NCALD: variants seen among roughly 807,000 people sequenced by gnomAD.
The protein encoded by NCALD is neurocalcin delta, also known as neurocalcin-delta.
In NCALD, 10 loss-of-function variants were observed where a neutral mutation model predicts 18.6. The observed-to-expected ratio is 0.54, with a 90% confidence interval of 0.33 to 0.91. NCALD has a LOEUF of 0.91. NCALD is among the 40% of genes least tolerant of loss of function. The probability of loss-of-function intolerance (pLI) is 0.03; values close to 1 mark genes in which losing one functional copy is unlikely to be tolerated. For synonymous variants in NCALD, 88 were observed against 87.4 expected, an observed-to-expected ratio of 1.01 and a Z score of -0.04; for missense variants, 184 against 247.6, an observed-to-expected ratio of 0.74 and a Z score of 1.72.
intron 4 of NCALD, among the ~76,000 whole-genome samples, chr8:101,871,459 A>G (rs1257711894): frequency 6.6e-6 from 1 of 152,124 alleles, no homozygotes; most frequent in African/African-American, 2.4e-5. Flanking sequence ...AGCACAATAC[A>G]TGCTAGAACC....
At chr8:101,872,139 A>G in intron 4 of NCALD, 1 of 1,606,476 alleles carries the variant, frequency 6.2e-7, no homozygotes, top group African/African-American at 1.3e-5. Context: ...ACTTCCTGGC[A>G]AGTCCACTGA....
chr8:102,038,100 G>C (rs1822932882), intron 1 of NCALD, among the ~76,000 whole-genome samples: 1 of 151,968 alleles, frequency 6.6e-6, no homozygotes, highest in South Asian at 2.1e-4. Context: ...CTTATTACAG[G>C]GTTTTATGCC....
intron 2 of NCALD, among the ~76,000 whole-genome samples, chr8:101,921,452 G>A (rs112338567): frequency 6.6e-5 from 10 of 151,900 alleles, no homozygotes; most frequent in Admixed American, 3.9e-4. Context: ...AGAAAAAGAC[G>A]TAACTACCAA....
intron 2 of NCALD, among the ~76,000 whole-genome samples, chr8:102,015,290 A>G (rs549863634): frequency 6.6e-6 from 1 of 152,214 alleles, no homozygotes; most frequent in South Asian, 2.1e-4. Flanking sequence ...CCCTTACCCC[A>G]GACCTCAGAA....
At chr8:101,726,071 G>C (rs542722512) in intron 1 of NCALD, among the ~76,000 whole-genome samples, 1 of 152,138 alleles carries the variant, frequency 6.6e-6, no homozygotes, top group African/African-American at 2.4e-5. Flanking sequence ...AATGAGAGGG[G>C]TCTAAGCTGG....
intron 1 of NCALD, among the ~76,000 whole-genome samples, chr8:102,023,878 G>A (rs1014922288): frequency 2.0e-5 from 3 of 152,076 alleles, no homozygotes; most frequent in Admixed American, 1.3e-4. Flanking sequence ...GATACAAATG[G>A]GCTATTCCAG....
intron 3 of NCALD, among the ~76,000 whole-genome samples, chr8:101,912,500 C>G (rs1817837639): frequency 6.6e-6 from 1 of 152,210 alleles, no homozygotes; most frequent in Non-Finnish European, 1.5e-5. Context: ...TCAGATAATC[C>G]TAATTCTCAC....
chr8:101,807,701 T>C lies in NCALD; in HGVS notation c.-20+79440A>G, dbSNP rs112070484. Among the ~76,000 whole-genome samples, 872 of 152,278 alleles carry C rather than the reference T, an allele frequency of 5.7e-3. 11 individuals carry two copies. Among genetic ancestry groups the C allele is most frequent in the African/African-American group, 0.018 (766 of 41,556 alleles). On this transcript the variant is annotated intron_variant, in intron 4 of 6. Coordinates refer to the NCALD transcript ENST00000311028. Reference sequence around the variant, plus strand: ...CAAAAATCTTCCAAATCACCATCACTTGCAGTCATAAAGGGTTACAGCAAA... The same window carrying C: ...CAAAAATCTTCCAAATCACCATCACCTGCAGTCATAAAGGGTTACAGCAAA...
chr8:102,021,997 TG>T (rs1291295991), intron 1 of NCALD, among the ~76,000 whole-genome samples: 1 of 152,150 alleles, frequency 6.6e-6, no homozygotes, highest in East Asian at 1.9e-4. Context: ...AATTAGATGA[TG>T]TATTTGTACA....
At chr8:102,094,341 G>C (rs575901713) in intron 1 of NCALD, among the ~76,000 whole-genome samples, 2 of 152,128 alleles carry the variant, frequency 1.3e-5, no homozygotes, top group African/African-American at 4.8e-5. Flanking sequence ...TGTATAAATC[G>C]TCTTACGTGA....
chr8:102,043,349 T>A (rs937441742), intron 1 of NCALD, among the ~76,000 whole-genome samples: 8 of 151,960 alleles, frequency 5.3e-5, no homozygotes, highest in Non-Finnish European at 1.0e-4. Flanking sequence ...TGTTTTGTTT[T>A]TGGTGTTCTT....
At chr8:102,051,875 G>A (rs532550755) in intron 1 of NCALD, among the ~76,000 whole-genome samples, 41 of 152,248 alleles carry the variant, frequency 2.7e-4, no homozygotes, top group African/African-American at 8.9e-4. Context: ...GAAGATATTC[G>A]TCTAAGGTAT....
intron 3 of NCALD, among the ~76,000 whole-genome samples, chr8:101,911,281 AGAG>A (rs545758923): frequency 1.3e-5 from 2 of 150,874 alleles, no homozygotes; most frequent in African/African-American, 2.4e-5. Context: ...GAAAAAAAAA[AGAG>A]GAGAAGGGGG....
chr8:102,004,982 T>A (rs1249194310), intron 2 of NCALD, among the ~76,000 whole-genome samples: 1 of 152,226 alleles, frequency 6.6e-6, no homozygotes, highest in Admixed American at 6.5e-5. Context: ...AAGGACTTCA[T>A]GTCTAAAACA....
intron 2 of NCALD, among the ~76,000 whole-genome samples, chr8:101,706,316 T>TAAA (rs546231345): frequency 1.4e-5 from 2 of 146,610 alleles, no homozygotes; most frequent in Non-Finnish European, 3.0e-5. Context: ...GTAAGACTAT[T>TAAA]TAAAAAAAAA....
chr8:102,103,912 A>G (rs546260690), intron 1 of NCALD, among the ~76,000 whole-genome samples: 6 of 152,330 alleles, frequency 3.9e-5, no homozygotes, highest in African/African-American at 1.4e-4. Context: ...GATAGGCAAA[A>G]TAAGCTGATA....
chr8:101,693,152 T>G (rs1298954167), intron 2 of NCALD: 1 of 352,024 alleles, frequency 2.8e-6, no homozygotes, highest in African/African-American at 2.1e-5. Flanking sequence ...GTCTCCAATG[T>G]TTTTTGATTG....
At chr8:101,982,620 CAGG>C (rs111498147) in intron 2 of NCALD, among the ~76,000 whole-genome samples, 9 of 152,076 alleles carry the variant, frequency 5.9e-5, no homozygotes, top group Non-Finnish European at 1.2e-4. Flanking sequence ...GCTGGTGGAT[CAGG>C]AGGTCAGGAG....
Position 101,768,018 on chromosome 8 carries a change from T to A in NCALD, c.-20+22844A>T, listed in dbSNP as rs1811421741. Among the ~76,000 whole-genome samples the A allele has an allele frequency of 3.3e-5, 5 of 152,316 alleles. No individual in the cohort carries two copies. In the South Asian group the frequency reaches 1.0e-3, roughly 32 times the overall value. On this transcript the variant is annotated intron_variant, in intron 1 of 3. Transcript: ENST00000220931. Reference sequence around the variant, plus strand: ...CTCACAGCAATTCTGGAAGTTATCATCTCTGTTTTTCAGATACAGAAATTG... The same window carrying A: ...CTCACAGCAATTCTGGAAGTTATCAACTCTGTTTTTCAGATACAGAAATTG...
Sources: allele counts gnomAD v4.1 joint callset (sites outside exome capture counted in the v4.1 genomes callset), GRCh38; gene constraint gnomAD v4.1.1; transcripts MANE v1.5; gene names NCBI Gene and HGNC (gene_info 2026-07-23, HGNC 2026-07-21).